The following DMD variants were observed in gnomAD, a reference collection of about 807,000 sequenced individuals.
DMD encodes mutant dystrophin.
In DMD, 63 loss-of-function variants were observed where a neutral mutation model predicts 330.1. The ratio of observed to expected loss-of-function variants is 0.19; its 90% confidence interval spans 0.16 to 0.24. The LOEUF (loss-of-function observed/expected upper bound fraction) is 0.24, where lower values mean the gene tolerates loss of function less well. Among genes scored for constraint, DMD ranks in the 10% least tolerant of loss-of-function variants. The pLI, the probability that DMD is intolerant of heterozygous loss-of-function variation, is 1.00. For missense variants in DMD, 3,344 were observed against 2,684.1 expected (o/e 1.25, Z -5.43); for synonymous variants, 1,223 against 959.8 (o/e 1.27, Z -5.07).
At chrX:31,674,230 C>A (rs1364598671) in intron 53 of DMD, among the ~76,000 whole-genome samples, 1 of 112,152 alleles carries the variant, frequency 8.9e-6, no homozygotes, top group Admixed American at 9.4e-5. Context: ...CCACAGATAA[C>A]TAAAAATGTA....
chrX:31,310,717 T>C (rs1477400744), intron 62 of DMD, among the ~76,000 whole-genome samples: 1 of 56,357 alleles, frequency 1.8e-5, no homozygotes, highest in Non-Finnish European at 3.5e-5. Flanking sequence ...ATGCCAAGGA[T>C]TTTTTTTTTT....
At chrX:32,513,066 T>C (rs2045505352) in intron 18 of DMD, among the ~76,000 whole-genome samples, 1 of 112,169 alleles carries the variant, frequency 8.9e-6, no homozygotes, top group South Asian at 3.7e-4. Context: ...GCTATTCTTT[T>C]TTACTGTATT....
At chrX:32,494,693 G>A (rs193211406) in intron 19 of DMD, among the ~76,000 whole-genome samples, 130 of 111,518 alleles carry the variant, frequency 1.2e-3, no homozygotes, top group African/African-American at 4.2e-3. Flanking sequence ...AGAATATTCA[G>A]AAAACAAGGG....
chrX:33,030,083 T>C (rs1199024096), intron 1 of DMD, among the ~76,000 whole-genome samples: 1 of 111,494 alleles, frequency 9.0e-6, no homozygotes, highest in African/African-American at 3.3e-5. Context: ...ATGGTAATAG[T>C]AATAAAGATA....
intron 11 of DMD, among the ~76,000 whole-genome samples, chrX:32,637,714 A>T (rs767620623): frequency 9.0e-6 from 1 of 111,612 alleles, no homozygotes; most frequent in African/African-American, 3.3e-5. Context: ...GGCAGCAGGA[A>T]GAAGGGCCAA....
rs187454865 is a variant in DMD, at chrX:32,804,118, C to T, written c.649+5375G>A. On this transcript the variant is annotated intron_variant, in intron 7 of 78. Transcript: ENST00000357033. ...TACCCAGTGGTGCCTGGAACGCCAG[C>T]GAGACAGAACCGTTCACTCCCCTGG... Among the ~76,000 whole-genome samples the T allele has an allele frequency of 2.1e-4, 23 of 111,394 alleles. No individual in the cohort carries two copies. The East Asian group carries it at 2.9e-3, about 14-fold the overall frequency.
At chrX:33,236,167 C>T (rs2052477302) in intron 1 of DMD, among the ~76,000 whole-genome samples, 1 of 108,609 alleles carries the variant, frequency 9.2e-6, no homozygotes, top group Non-Finnish European at 1.9e-5. Context: ...CCGCCCGCCT[C>T]GGCCTCCCAA....
chrX:31,447,055 T>C (rs780001477), intron 59 of DMD, among the ~76,000 whole-genome samples: 6 of 111,410 alleles, frequency 5.4e-5, no homozygotes, highest in Non-Finnish European at 9.4e-5. Context: ...TTTTCAAATG[T>C]CTCTTATTAG....
chrX:31,831,891 C>T (rs190520591), intron 49 of DMD, among the ~76,000 whole-genome samples: 11 of 112,556 alleles, frequency 9.8e-5, no homozygotes, highest in South Asian at 3.7e-4. Context: ...CGCGAGCCAC[C>T]GCGCCCAGTC....
chrX:32,316,292 C>A lies in DMD; in HGVS notation c.5923-6016G>T, dbSNP rs576904916. ...GAATGAGAAAAATCATTTCTATCCT[C>A]AACTACTGATAATTAAGTAATCTTT... On this transcript the variant is annotated intron_variant, in intron 41 of 78. Transcript: ENST00000357033. Among the ~76,000 whole-genome samples, 202 of 111,599 alleles carry A rather than the reference C, an allele frequency of 1.8e-3. 2 individuals carry two copies. The highest frequency in any genetic ancestry group is 6.3e-3 in the African/African-American group (194 of 30,881).
At chrX:31,709,555 GCTCT>G (rs753402977) in intron 52 of DMD, among the ~76,000 whole-genome samples, 302 of 89,655 alleles carry the variant, frequency 3.4e-3, no homozygotes, top group Non-Finnish European at 5.0e-3. Flanking sequence ...TTATTGTACA[GCTCT>G]CTCTCTCTCT....
At chrX:32,786,086 A>AGTGT (rs368269067) in intron 7 of DMD, among the ~76,000 whole-genome samples, 7,627 of 96,444 alleles carry the variant, frequency 0.079, 246 homozygotes, top group Non-Finnish European at 0.096. Context: ...GAGGAATAAG[A>AGTGT]GTGTGTGTGT....
chrX:32,930,896 A>G (rs996203888), intron 2 of DMD, among the ~76,000 whole-genome samples: 1 of 109,373 alleles, frequency 9.1e-6, no homozygotes. Flanking sequence ...CATCAAGTGC[A>G]CTATTTTTTA....
At chrX:32,301,957 T>C (rs2097525109) in intron 42 of DMD, among the ~76,000 whole-genome samples, 1 of 111,632 alleles carries the variant, frequency 9.0e-6, no homozygotes, top group Non-Finnish European at 1.9e-5. Flanking sequence ...AATCTTGGAA[T>C]AATTTAGAGT....
intron 9 of DMD, among the ~76,000 whole-genome samples, chrX:32,674,400 G>A (rs1422553421): frequency 9.0e-6 from 1 of 111,657 alleles, no homozygotes; most frequent in African/African-American, 3.2e-5. Flanking sequence ...ATCTTTGAAA[G>A]TGAATATATG....
chrX:31,325,629 A>C (rs2056734598), intron 61 of DMD, among the ~76,000 whole-genome samples: 1 of 110,443 alleles, frequency 9.1e-6, no homozygotes, highest in Non-Finnish European at 1.9e-5. Flanking sequence ...ACAAACAAAC[A>C]AACAAACAAA....
chrX:31,579,315 CA>C (rs1313317727), intron 55 of DMD, among the ~76,000 whole-genome samples: 2 of 112,276 alleles, frequency 1.8e-5, no homozygotes, highest in Non-Finnish European at 3.8e-5. Context: ...TCAAGATTAG[CA>C]AGCTTCAGAT....
At chrX:33,251,584 G>C (rs146606228) in intron 1 of DMD, among the ~76,000 whole-genome samples, 1 of 111,846 alleles carries the variant, frequency 8.9e-6, no homozygotes, top group Non-Finnish European at 1.9e-5. Flanking sequence ...CTTTTTTCCC[G>C]AGCTACATTT....
At chrX:33,106,489 T>A (rs1349485690) in intron 1 of DMD, among the ~76,000 whole-genome samples, 2 of 112,355 alleles carry the variant, frequency 1.8e-5, no homozygotes, top group Non-Finnish European at 3.8e-5. Flanking sequence ...AGTCTTATAT[T>A]CTTATTGCTC....
Sources: allele counts gnomAD v4.1 joint callset (sites outside exome capture counted in the v4.1 genomes callset), GRCh38; gene constraint gnomAD v4.1.1; transcripts MANE v1.5; gene names NCBI Gene and HGNC (gene_info 2026-07-23, HGNC 2026-07-21).